The following BLNK variants were observed in gnomAD, a reference collection of about 807,000 sequenced individuals.
The protein encoded by BLNK is B cell linker.
In BLNK, 29 loss-of-function variants were observed where a neutral mutation model predicts 73.5. The ratio of observed to expected loss-of-function variants is 0.39; its 90% CI spans 0.29 to 0.54. The LOEUF (loss-of-function observed/expected upper bound fraction) is 0.54, where lower values mean the gene tolerates loss of function less well. Ranked by LOEUF, BLNK falls within the 20% of genes least tolerant of loss-of-function variation. The pLI, the probability that BLNK is intolerant of heterozygous loss-of-function variation, is 0.61. For synonymous variants in BLNK, 176 were observed against 200.8 expected (o/e 0.88, Z 1.04); for missense variants, 460 against 562.8 (o/e 0.82, Z 1.85).
intron 11 of BLNK, chr10:96,205,346 G>C (rs1271924521): frequency 6.6e-6 from 1 of 152,582 alleles, no homozygotes; most frequent in African/African-American, 2.4e-5. Context: ...TAAAATCTTG[G>C]TATGTTCATG....
At chr10:96,269,066 G>A (rs1368812618) in intron 1 of BLNK, among the ~76,000 whole-genome samples, 1 of 152,098 alleles carries the variant, frequency 6.6e-6, no homozygotes, top group Admixed American at 6.5e-5. Context: ...ATGGTGCTTC[G>A]AGCCCATTGA....
Position 96,191,712 on chromosome 10 carries a change from T to C in BLNK, c.*261A>G, listed in dbSNP as rs150009263. 0.01 allele frequency: 3,449 copies of C among 328,554 alleles called. 45 individuals are homozygous for C. The highest frequency in any genetic ancestry group is 0.014 in the Middle Eastern group (14 of 1,036). 20.4% of individuals were successfully genotyped at this position (328,554 alleles called of 1,614,324 possible). ...TATACTTTACACTTATTTTTAAAAA[T>C]AAAAATATTTATTTGGAAAATATTA... On this transcript the variant is annotated 3_prime_UTR_variant, in exon 17 of 17. Transcript: ENST00000224337.
At position 96,190,209 on chromosome 10, in the gene BLNK, G is replaced by T; in HGVS notation, c.*1764C>A. On this transcript the variant is annotated 3_prime_UTR_variant, in exon 17 of 17. Coordinates refer to ENST00000224337, the MANE Select transcript of BLNK (RefSeq NM_013314.4). The stretch of plus-strand genomic sequence containing the variant: ...CAGGGGGCTCACGTCCATGTCCATC[G>T]AATCTTCCATCAGGTGGCGGCACAC... 2.6e-6 allele frequency: 2 copies of T among 769,682 alleles called. No individual in the cohort carries two copies. The highest frequency in any genetic ancestry group is 4.7e-6 in the Non-Finnish European group (2 of 427,826). 47.7% of individuals were successfully genotyped at this position (769,682 alleles called of 1,614,324 possible).
chr10:96,258,764 A>G (rs1365164856), intron 1 of BLNK, among the ~76,000 whole-genome samples: 5 of 152,206 alleles, frequency 3.3e-5, no homozygotes, highest in Admixed American at 3.3e-4. Flanking sequence ...GCATTTATTG[A>G]GCATGTACTA....
chr10:96,197,881 A>T (rs1284440001), intron 15 of BLNK, among the ~76,000 whole-genome samples: 2 of 150,340 alleles, frequency 1.3e-5, no homozygotes, highest in Non-Finnish European at 3.0e-5. Context: ...GTGCCACTGC[A>T]CTCCAGCCTG....
intron 11 of BLNK, among the ~76,000 whole-genome samples, chr10:96,205,738 G>C (rs1485494656): frequency 2.0e-5 from 3 of 152,176 alleles, no homozygotes; most frequent in Non-Finnish European, 2.9e-5. Flanking sequence ...CTATGCTCTT[G>C]AAATAAATAA....
At chr10:96,250,084 G>T (rs1554908721) in intron 1 of BLNK, among the ~76,000 whole-genome samples, 1 of 152,164 alleles carries the variant, frequency 6.6e-6, no homozygotes, top group Admixed American at 6.5e-5. Context: ...CAAAGGAAAT[G>T]AGACCATATT....
intron 4 of BLNK, among the ~76,000 whole-genome samples, chr10:96,229,554 C>G (rs1842415946): frequency 6.6e-6 from 1 of 152,074 alleles, no homozygotes; most frequent in Non-Finnish European, 1.5e-5. Context: ...TTTGTGCTTT[C>G]TAAGTTCCCT....
Position 96,223,866 on chromosome 10 carries a change from G to A in BLNK, c.485C>T (p.Pro162Leu). Residue 162 changes from proline to leucine, a missense_variant, in exon 6 of 17, where the codon CCT becomes CTT. Physicochemically the swap from Pro to Leu is moderately conservative, Grantham distance 98. Transcript: ENST00000224337. The stretch of plus-strand genomic sequence containing the variant: ...GCCTTTGGGTTTGGGTGGGACTTGA[G>A]GTTTCTGCAAAGCAGTCAGGGCCGG... ...TLPALTALQK[P>L]QVPPKPKGLL... 6.2e-7 allele frequency: 1 copy of A among 1,613,920 alleles called. No individual in the cohort carries two copies. Among genetic ancestry groups the A allele is most frequent in the Non-Finnish European group, 8.5e-7 (1 of 1,180,030 alleles).
intron 1 of BLNK, among the ~76,000 whole-genome samples, chr10:96,269,930 A>T (rs907634836): frequency 2.0e-5 from 3 of 152,112 alleles, no homozygotes; most frequent in African/African-American, 7.2e-5. Context: ...CCAGTATTTT[A>T]TAATTTTACC....
intron 1 of BLNK, among the ~76,000 whole-genome samples, chr10:96,250,415 G>GGGA (rs1843232853): frequency 1.4e-5 from 2 of 143,434 alleles, no homozygotes; most frequent in African/African-American, 5.1e-5. Context: ...AGAGAGAGGG[G>GGGA]GAGAGAGAGA....
rs1046322318 is a variant in BLNK, at chr10:96,200,327, G to A, written c.1012-169C>T. ...TTTGATCAAACACAAGGATTATACC[G>A]TTAACTTGTTTTTTGTATTTTTTTT... is the stretch of plus-strand genomic sequence containing the variant. On this transcript the variant is annotated intron_variant, in intron 14 of 16. Transcript: ENST00000224337. The surrounding 1 kb of genome is among the most constrained non-coding windows in gnomAD (Gnocchi z 4.3). 5.9e-5 allele frequency among the ~76,000 whole-genome samples: 9 copies of A among 151,936 alleles called. No individual in the cohort carries two copies. The highest frequency in any genetic ancestry group is 1.9e-4 in the African/African-American group (8 of 41,350).
At chr10:96,231,911 G>A (rs587691199) in intron 3 of BLNK, among the ~76,000 whole-genome samples, 12 of 152,328 alleles carry the variant, frequency 7.9e-5, no homozygotes, top group Non-Finnish European at 1.5e-5. Flanking sequence ...CCAGGGGCAG[G>A]AGGTGCCGTC....
chr10:96,199,410 T>C (rs782042982), intron 15 of BLNK: 92 of 378,368 alleles, frequency 2.4e-4, no homozygotes, highest in Non-Finnish European at 4.4e-4. Flanking sequence ...TCCTGCACAT[T>C]GATCCAAAAT....
Position 96,215,313 on chromosome 10 carries a change from C to G in BLNK, c.676+8G>C, listed in dbSNP as rs1554899592. The G allele has an allele frequency of 6.2e-7, 1 of 1,613,558 alleles. No homozygotes were observed. Among genetic ancestry groups the G allele is most frequent in the Non-Finnish European group, 8.5e-7 (1 of 1,179,618 alleles). On this transcript the variant is annotated splice_region_variant and intron_variant, in intron 8 of 16. Coordinates refer to ENST00000224337, the MANE Select transcript of BLNK (RefSeq NM_013314.4). ...GTAAAACCAAACCAAATCACACATA[C>G]ACTTTACCTGAAGCTGTTCCTGGAG...
intron 5 of BLNK, among the ~76,000 whole-genome samples, chr10:96,224,737 G>T (rs917585380): frequency 2.6e-5 from 4 of 151,918 alleles, no homozygotes; most frequent in African/African-American, 9.7e-5. Flanking sequence ...TTGCTCTGTT[G>T]CCCAGGCTGG....
Position 96,204,550 on chromosome 10 carries a change from A to C in BLNK, c.884T>G (p.Val295Gly). ...TTCTTACTTCTGGGCAGGAGGAAAC[A>C]CTGGTGACTGCACAGCTTCTTGTCT... ...SHRQEAVQSP[V>G]FPPAQKQIHQ... Residue 295 changes from valine to glycine, a missense_variant, in exon 12 of 17, where the codon GTG becomes GGG. Around this residue, in one of 3 missense-constraint regions of BLNK, gnomAD observed 233 missense variants for 232.1 expected, o/e 1.00. Transcript: ENST00000224337. 1 of 1,614,088 alleles carries C rather than the reference A, an allele frequency of 6.2e-7. No individual in the cohort carries two copies. The highest frequency in any genetic ancestry group is 8.5e-7 in the Non-Finnish European group (1 of 1,179,952).
At chr10:96,207,977 A>G in intron 9 of BLNK, 78 bp from the exon 10 acceptor site, 3 of 1,449,034 alleles carry the variant, frequency 2.1e-6, no homozygotes, top group Middle Eastern at 2.0e-4. Context: ...TTTTAGTCTC[A>G]AATTTAAGCT....
At chr10:96,229,346 G>A (rs1591332518) in intron 4 of BLNK, among the ~76,000 whole-genome samples, 1 of 151,932 alleles carries the variant, frequency 6.6e-6, no homozygotes, top group Admixed American at 6.6e-5. Flanking sequence ...CATATAGCAG[G>A]ATTTTTGTTT....
Sources: allele counts gnomAD v4.1 joint callset (sites outside exome capture counted in the v4.1 genomes callset), GRCh38; gene constraint gnomAD v4.1.1; regional missense constraint gnomAD v4.1.1; non-coding constraint Gnocchi (gnomAD v3.1); transcripts MANE v1.5; gene names NCBI Gene and HGNC (gene_info 2026-07-23, HGNC 2026-07-21).